CSF2RB: variants seen among roughly 807,000 people sequenced by gnomAD.
CSF2RB encodes cytokine receptor common subunit beta.
A neutral mutation model predicts 67.2 loss-of-function variants in CSF2RB; 22 were observed. That is an observed-to-expected ratio of 0.33 (90% CI 0.23 to 0.47). The LOEUF is 0.47. Among genes scored for constraint, CSF2RB ranks in the 20% least tolerant of loss-of-function variants. The pLI, the probability that CSF2RB is intolerant of heterozygous loss-of-function variation, is 1.00. For synonymous variants in CSF2RB, 507 were observed against 482.9 expected (o/e 1.05, Z -0.65); for missense variants, 1,113 against 1,174.5 (o/e 0.95, Z 0.76).
rs1260543952 is a variant in CSF2RB, at chr22:36,937,023, A to G, written c.1569-354A>G. On this transcript the variant is annotated intron_variant, in intron 13 of 13. Coordinates refer to ENST00000403662, the MANE Select transcript of CSF2RB (RefSeq NM_000395.3). The surrounding 1 kb of genome is among the most constrained non-coding windows in gnomAD (Gnocchi z 4.6). ...AACTCGGCAGGGAGAAGGGGGTGGC[A>G]TGGTTGATAGAATGATGGAAGGGTT... Among the ~76,000 whole-genome samples, 1 of 152,040 alleles carries G rather than the reference A, an allele frequency of 6.6e-6. No homozygotes were observed. The highest frequency in any genetic ancestry group is 1.5e-5 in the Non-Finnish European group (1 of 67,978).
chr22:36,923,158 G>A lies in CSF2RB; in HGVS notation c.77-86G>A, dbSNP rs1475822126. On this transcript the variant is annotated intron_variant, in intron 2 of 13. Transcript: ENST00000403662. Reference sequence around the variant, plus strand: ...GGGACCTGGGAGACCCCTCCCCAGAGCGGGACATCCCAAAGCAGCTGGGGG... The same window carrying A: ...GGGACCTGGGAGACCCCTCCCCAGAACGGGACATCCCAAAGCAGCTGGGGG... 2.5e-6 allele frequency: 4 copies of A among 1,604,946 alleles called. No homozygotes were observed. In the African/African-American group the frequency reaches 4.0e-5, roughly 16 times the overall value.
In CSF2RB at chr22:36,931,185, C is replaced by T. The variant is rs530621874; in HGVS notation, c.1012+355C>T. On this transcript the variant is annotated intron_variant, in intron 8 of 13. Transcript: ENST00000403662. Reference sequence around the variant, plus strand: ...TCTTTCTGATATCCGAAATTCCCCACCGACTGATATTCTATCTTTAATGTA... The same window carrying T: ...TCTTTCTGATATCCGAAATTCCCCATCGACTGATATTCTATCTTTAATGTA... Among the ~76,000 whole-genome samples the T allele has an allele frequency of 2.0e-5, 3 of 152,330 alleles. No individual in the cohort carries two copies. The East Asian group carries it at 5.8e-4, about 29-fold the overall frequency.
chr22:36,921,543 G>T (rs1188106860), intron 1 of CSF2RB, among the ~76,000 whole-genome samples: 2 of 152,098 alleles, frequency 1.3e-5, no homozygotes, highest in African/African-American at 4.8e-5. Flanking sequence ...AGCCACACTT[G>T]TCTGTTCTGC....
chr22:36,930,389 C>A lies in CSF2RB; in HGVS notation c.733C>A (p.Pro245Thr). 6.2e-7 allele frequency: 1 copy of A among 1,613,568 alleles called. No individual in the cohort carries two copies. The highest frequency in any genetic ancestry group is 8.5e-7 in the Non-Finnish European group (1 of 1,180,020). The change falls in exon 7 of 14, where the codon CCC becomes ACC. Residue 245 changes from proline (P) to threonine (T), a missense_variant. Coordinates refer to ENST00000403662, the MANE Select transcript of CSF2RB (RefSeq NM_000395.3). ...WDSQPGDEAQPQNLECFFDGA... is the reference protein window; with the variant it reads ...WDSQPGDEAQTQNLECFFDGA... Reference sequence around the variant, plus strand: ...CTCCAACCCAGGGGATGAGGCCCAGCCCCAGAACCTGGAGTGCTTCTTTGA... The same window carrying A: ...CTCCAACCCAGGGGATGAGGCCCAGACCCAGAACCTGGAGTGCTTCTTTGA...
At chr22:36,924,823 C>T (rs1032923943) in intron 3 of CSF2RB, among the ~76,000 whole-genome samples, 11 of 152,132 alleles carry the variant, frequency 7.2e-5, no homozygotes, top group Non-Finnish European at 1.5e-4. Flanking sequence ...CCCCCGGGGC[C>T]CTGCCCATCC....
rs1310280461 is a variant in CSF2RB, at chr22:36,929,709, C to T, written c.620C>T (p.Thr207Ile). The change falls in exon 6 of 14, where the codon ACC becomes ATC. Residue 207 changes from threonine to isoleucine, a missense_variant. By Grantham distance (89) the Thr-to-Ile change is moderately conservative. This residue lies in a region of CSF2RB where 559 missense variants were observed against 656.5 expected (regional missense o/e 0.85). Coordinates refer to ENST00000403662, the MANE Select transcript of CSF2RB (RefSeq NM_000395.3). ...CCAGAGCACCTCATGCCCAGCAGCACCTACGTGGCCCGAGTACGGACCCGC... is the reference window on the plus strand; with the variant it reads ...CCAGAGCACCTCATGCCCAGCAGCATCTACGTGGCCCGAGTACGGACCCGC... ...LGPEHLMPSS[T>I]YVARVRTRLA... 1 of 1,614,110 alleles carries T rather than the reference C, an allele frequency of 6.2e-7. No homozygotes were observed. Among genetic ancestry groups the T allele is most frequent in the African/African-American group, 1.3e-5 (1 of 74,940 alleles).
chr22:36,922,556 T>A, intron 2 of CSF2RB: 1 of 570,832 alleles, frequency 1.8e-6, no homozygotes, highest in Non-Finnish European at 3.2e-6. Flanking sequence ...CCAGGATGGC[T>A]GCTCTGGCCG....
chr22:36,930,911 C>A, intron 8 of CSF2RB, 81 bp downstream of exon 8: 1 of 1,501,900 alleles, frequency 6.7e-7, no homozygotes, highest in Non-Finnish European at 9.2e-7. Context: ...GTTCAGGGTT[C>A]CTCCTGGCCC....
chr22:36,916,750 T>C (rs1940724947), intron 1 of CSF2RB, among the ~76,000 whole-genome samples: 1 of 152,098 alleles, frequency 6.6e-6, no homozygotes, highest in South Asian at 2.1e-4. Context: ...TCCCAGCTAC[T>C]TGGGATGCTG....
At chr22:36,924,313 G>A (rs5995365) in intron 3 of CSF2RB, among the ~76,000 whole-genome samples, 7,988 of 151,262 alleles carry the variant, frequency 0.053, 450 homozygotes, top group African/African-American at 0.14. Context: ...CCTGGACCAG[G>A]GCTCCTGTCT....
rs201384090 is a variant in CSF2RB at position 36,930,415 on chromosome 22, C to T, written c.759C>T (p.Asp253=). 406 of 1,613,606 alleles carry T rather than the reference C, an allele frequency of 2.5e-4. 1 individual carries two copies. The highest frequency in any genetic ancestry group is 3.2e-4 in the Non-Finnish European group (379 of 1,180,008). ...CCCAGAACCTGGAGTGCTTCTTTGACGGGGCCGCCGTGCTCAGCTGCTCCT... is the reference window on the plus strand; with the variant it reads ...CCCAGAACCTGGAGTGCTTCTTTGATGGGGCCGCCGTGCTCAGCTGCTCCT... The part of the protein sequence containing the change: ...AQPQNLECFF[D]GAAVLSCSWE... The change falls in exon 7 of 14, where the codon GAC becomes GAT. Residue 253 remains aspartate, a synonymous_variant. Transcript: ENST00000403662.
In CSF2RB at chr22:36,937,967, C is replaced by T; in HGVS notation, c.2159C>T (p.Thr720Ile). Reference sequence around the variant, plus strand: ...GTCTCCTCTGCAGACCTGGTATTCACCCCAAACTCAGGGGCCTCGTCTGTC... The same window carrying T: ...GTCTCCTCTGCAGACCTGGTATTCATCCCAAACTCAGGGGCCTCGTCTGTC... ...GYVSSADLVF[T>I]PNSGASSVSL... Residue 720 changes from threonine (T) to isoleucine (I), a missense_variant, in exon 14 of 14, where the codon ACC (threonine) becomes ATC (isoleucine). Around this residue, in one of 2 missense-constraint regions of CSF2RB, gnomAD observed 554 missense variants for 517.9 expected, o/e 1.07. Coordinates refer to ENST00000403662, the MANE Select transcript of CSF2RB (RefSeq NM_000395.3). The surrounding 1 kb of genome is among the most constrained non-coding windows in gnomAD (Gnocchi z 4.6). 1.2e-6 allele frequency: 2 copies of T among 1,614,148 alleles called. No homozygotes were observed. The highest frequency in any genetic ancestry group is 1.7e-5 in the Admixed American group (1 of 60,034).
Position 36,939,138 on chromosome 22 carries a change from G to C in CSF2RB, c.*636G>C, listed in dbSNP as rs577830884. 10 of 702,156 alleles carry C rather than the reference G, an allele frequency of 1.4e-5. No individual in the cohort carries two copies. The East Asian group carries it at 2.1e-4, about 15-fold the overall frequency. The allele number at this position is 702,156 out of a possible 1,614,324, so 43.5% of individuals were successfully genotyped here. On this transcript the variant is annotated 3_prime_UTR_variant, in exon 14 of 14. Transcript: ENST00000403662. ...TGGGCATGGTATTGGGGGTCGGGGG[G>C]GCGGTGCAAGGGACGCACATGAGAG...
intron 1 of CSF2RB, among the ~76,000 whole-genome samples, chr22:36,914,233 T>A (rs1048719227): frequency 2.0e-5 from 3 of 152,084 alleles, no homozygotes; most frequent in Non-Finnish European, 4.4e-5. Flanking sequence ...TGTCTGGGGA[T>A]GCAGGAGTGC....
At position 36,937,864 on chromosome 22, in the gene CSF2RB, C is replaced by T. The variant is rs1160331273; in HGVS notation, c.2056C>T (p.Gln686Ter). 4.3e-6 allele frequency: 7 copies of T among 1,613,944 alleles called. No individual in the cohort carries two copies. Among genetic ancestry groups the T allele is most frequent in the African/African-American group, 1.3e-5 (1 of 75,024 alleles). ...PPALGPRVGG[Q>*]DQKDSPVAIP... ...TGCTCTTGGGCCAAGGGTGGGAGGA[C>T]AGGACCAAAAGGACAGCCCTGTGGC... The change falls in exon 14 of 14, where the codon CAG becomes TAG. Residue 686 changes from glutamine to a stop codon, truncating the protein, a stop_gained. Coordinates refer to ENST00000403662, the MANE Select transcript of CSF2RB (RefSeq NM_000395.3). LOFTEE classifies it low-confidence loss of function (END_TRUNC). This position sits in a 1 kb window ranked among gnomAD's most constrained non-coding sequence, Gnocchi z 4.6.
At chr22:36,919,413 T>C (rs1940799316) in intron 1 of CSF2RB, among the ~76,000 whole-genome samples, 1 of 152,178 alleles carries the variant, frequency 6.6e-6, no homozygotes, top group African/African-American at 2.4e-5. Context: ...TGTTGTTTTT[T>C]TGTTTGTTTG....
In CSF2RB at chr22:36,922,039, T is replaced by G. The variant is rs1940884493; in HGVS notation, c.-169T>G. ...CTGCTGACATCTCCTTCTGCAGGCC[T>G]GGAGGAGGCAGAGGCCAGGAGGGAG... On this transcript the variant is annotated 5_prime_UTR_variant, in exon 2 of 14. Coordinates refer to ENST00000403662, the MANE Select transcript of CSF2RB (RefSeq NM_000395.3). 1 of 638,762 alleles carries G rather than the reference T, an allele frequency of 1.6e-6. No individual in the cohort carries two copies. The highest frequency in any genetic ancestry group is 1.8e-5 in the African/African-American group (1 of 55,858). The allele number at this position is 638,762 out of a possible 1,614,324, so 39.6% of individuals were successfully genotyped here. A position where few individuals can be genotyped will look rare whatever the true frequency, so the allele number is the denominator to read the frequency against.
At chr22:36,935,540 T>A in intron 11 of CSF2RB, 90 bp from the exon 12 acceptor site, 3 of 1,608,278 alleles carry the variant, frequency 1.9e-6, no homozygotes, top group African/African-American at 1.3e-5. Context: ...GCCGCTCCCT[T>A]CCTGGGCCTC....
At chr22:36,916,835 G>A (rs1310891049) in intron 1 of CSF2RB, among the ~76,000 whole-genome samples, 2 of 151,958 alleles carry the variant, frequency 1.3e-5, no homozygotes, top group African/African-American at 2.4e-5. Context: ...CTCCAGCCTG[G>A]GCAACAGAGT....
Sources: gnomAD v4.1 joint callset for allele counts (sites outside exome capture counted in the v4.1 genomes callset) on GRCh38, gnomAD v4.1.1 for gene constraint, gnomAD v4.1.1 regional missense constraint, Gnocchi (gnomAD v3.1) non-coding constraint, MANE v1.5 for transcripts, NCBI Gene and HGNC (gene_info 2026-07-23, HGNC 2026-07-21) for gene names.